The following SPAG9 variants were observed in gnomAD, a reference collection of about 807,000 sequenced individuals.
SPAG9 encodes C-Jun-amino-terminal kinase-interacting protein 4.
Under a neutral mutation model 166.5 loss-of-function variants are expected in SPAG9, and 35 were observed. That is an observed-to-expected ratio of 0.21 (90% CI 0.16 to 0.28). SPAG9 has a LOEUF of 0.28. Among genes scored for constraint, SPAG9 ranks in the 10% least tolerant of loss-of-function variants. SPAG9 has a pLI of 1.00. For synonymous variants in SPAG9, 534 were observed against 565.5 expected (o/e 0.94, Z 0.79); for missense variants, 1,235 against 1,603.3 (o/e 0.77, Z 3.92).
In SPAG9 at chr17:50,990,542, A is replaced by T. The variant is rs765849538; in HGVS notation, c.2525T>A (p.Ile842Asn). Reference protein sequence around the residue: ...SAETDSLLGGITVVGCSAEGV... With the variant: ...SAETDSLLGGNTVVGCSAEGV... ...TTCTGCAGAACAACCAACCACTGTG[A>T]TGCCTCCTAACAGGCTGTCTGTCTC... Residue 842 changes from isoleucine to asparagine, a missense_variant, in exon 20 of 30, where the codon ATC (isoleucine) becomes AAC (asparagine). Ile to Asn is a moderately radical substitution (Grantham distance 149, BLOSUM62 -3). Coordinates refer to ENST00000262013, the MANE Select transcript of SPAG9 (RefSeq NM_001130528.3). 1.1e-5 allele frequency: 17 copies of T among 1,614,212 alleles called. No individual in the cohort carries two copies. Among genetic ancestry groups the T allele is most frequent in the Non-Finnish European group, 1.4e-5 (17 of 1,180,024 alleles).
intron 3 of SPAG9, among the ~76,000 whole-genome samples, chr17:51,051,033 T>TAAAA (rs566199371): frequency 9.1e-6 from 1 of 110,254 alleles, no homozygotes; most frequent in Non-Finnish European, 2.1e-5. Context: ...AATTTAAAAA[T>TAAAA]AAAAAAAAAA....
At chr17:50,992,561 C>T (rs1311781179) in intron 19 of SPAG9, among the ~76,000 whole-genome samples, 2 of 152,102 alleles carry the variant, frequency 1.3e-5, no homozygotes, top group Non-Finnish European at 2.9e-5. Context: ...GTCCCAGCTA[C>T]TTGGGAGGCT....
intron 1 of SPAG9, among the ~76,000 whole-genome samples, chr17:51,087,435 G>A (rs1419724030): frequency 1.3e-5 from 2 of 152,198 alleles, no homozygotes; most frequent in Admixed American, 6.5e-5. Context: ...GTTTGGATTC[G>A]TGGTCCTAGT....
chr17:51,099,759 TAAAAAAA>T (rs58721041), intron 1 of SPAG9, among the ~76,000 whole-genome samples: 6 of 43,654 alleles, frequency 1.4e-4, no homozygotes, highest in East Asian at 8.8e-4. Context: ...CTTCTATTAC[TAAAAAAA>T]AAAAAAAAAA....
At chr17:50,978,502 G>A (rs1428080462) in intron 26 of SPAG9, among the ~76,000 whole-genome samples, 1 of 152,138 alleles carries the variant, frequency 6.6e-6, no homozygotes, top group Non-Finnish European at 1.5e-5. Flanking sequence ...GATAGAGCAG[G>A]GAACAAGACA....
chr17:50,991,940 TTTTTTTTTTTTTA>T (rs1386861472), intron 19 of SPAG9, among the ~76,000 whole-genome samples: 2 of 137,296 alleles, frequency 1.5e-5, no homozygotes, highest in African/African-American at 3.0e-5. Context: ...TTTTTTTTTT[TTTTTTTTTTTTTA>T]AAACACAGGG....
chr17:51,072,510 C>T (rs2047851088), intron 2 of SPAG9, among the ~76,000 whole-genome samples: 1 of 151,284 alleles, frequency 6.6e-6, no homozygotes, highest in Non-Finnish European at 1.5e-5. Context: ...GGGTGAAACT[C>T]CATCTCTACT....
Position 50,993,792 on chromosome 17 carries a change from A to G in SPAG9, c.2370T>C (p.Ser790=), listed in dbSNP as rs1975821700. The G allele has an allele frequency of 6.2e-7, 1 of 1,614,174 alleles. No individual in the cohort carries two copies. The highest frequency in any genetic ancestry group is 2.2e-5 in the East Asian group (1 of 44,888). ...NILDSFTVCN[S]HVLCIASVPG... Reference sequence around the variant, plus strand: ...GCACACTTGCAATGCACAGAACATGAGAGTTGCAAACAGTGAAACTGTCTA... The same window carrying G: ...GCACACTTGCAATGCACAGAACATGGGAGTTGCAAACAGTGAAACTGTCTA... The change falls in exon 19 of 30, where the codon TCT becomes TCC. Residue 790 remains serine, a synonymous_variant. Transcript: ENST00000262013.
intron 1 of SPAG9, among the ~76,000 whole-genome samples, chr17:51,119,146 A>G (rs2049395494): frequency 6.6e-6 from 1 of 152,186 alleles, no homozygotes; most frequent in Non-Finnish European, 1.5e-5. Flanking sequence ...AAGCTTTTAA[A>G]AAAGGAAAAA....
At chr17:51,010,844 A>G (rs1189067212) in intron 9 of SPAG9, among the ~76,000 whole-genome samples, 2 of 152,150 alleles carry the variant, frequency 1.3e-5, no homozygotes, top group Non-Finnish European at 2.9e-5. Flanking sequence ...AGGAAATAAT[A>G]GTCTTGGGCT....
chr17:50,991,512 A>AAT (rs1053826659), intron 19 of SPAG9, among the ~76,000 whole-genome samples: 2 of 152,054 alleles, frequency 1.3e-5, no homozygotes, highest in African/African-American at 4.8e-5. Flanking sequence ...CAGTAAAAAT[A>AAT]ATATATATAT....
chr17:51,097,086 C>T (rs574731320), intron 1 of SPAG9, among the ~76,000 whole-genome samples: 1 of 152,220 alleles, frequency 6.6e-6, no homozygotes, highest in South Asian at 2.1e-4. Context: ...TGGTTTCATA[C>T]CTACGTAGTG....
At chr17:50,986,270 T>G (rs149419657) in intron 22 of SPAG9, among the ~76,000 whole-genome samples, 14 of 152,250 alleles carry the variant, frequency 9.2e-5, no homozygotes, top group African/African-American at 2.6e-4. Flanking sequence ...ACAGGGGAGA[T>G]TTATATGAAA....
intron 1 of SPAG9, among the ~76,000 whole-genome samples, chr17:51,095,348 G>A (rs1452278371): frequency 1.4e-5 from 2 of 141,154 alleles, no homozygotes; most frequent in South Asian, 2.3e-4. Context: ...GGTGGCTCAC[G>A]CCTGTAATCC....
chr17:51,013,534 C>T (rs938265508), intron 9 of SPAG9, among the ~76,000 whole-genome samples: 13 of 152,172 alleles, frequency 8.5e-5, no homozygotes, highest in African/African-American at 2.4e-5. Flanking sequence ...TATTTACACA[C>T]GCACACAAGG....
chr17:51,039,930 G>C (rs993684367), intron 5 of SPAG9, among the ~76,000 whole-genome samples: 15 of 152,036 alleles, frequency 9.9e-5, no homozygotes, highest in African/African-American at 3.6e-4. Flanking sequence ...TTGTGGTACA[G>C]AAGTAAAGAA....
Position 51,120,064 on chromosome 17 carries a change from CG to C in SPAG9, c.303+289del, listed in dbSNP as rs1237413999. Reference sequence around the variant, plus strand: ...AAGCAACCAGACACCCAACAATCTCCGCCCTTGGCCAACCCCAGGTGTCCTC... The same window carrying C: ...AAGCAACCAGACACCCAACAATCTCCCCCTTGGCCAACCCCAGGTGTCCTC... On this transcript the variant is annotated intron_variant, in intron 1 of 29. Transcript: ENST00000262013. This position sits in a 1 kb window ranked among gnomAD's most constrained non-coding sequence, Gnocchi z 4.7. Among the ~76,000 whole-genome samples the C allele has an allele frequency of 2.0e-5, 3 of 152,226 alleles. No homozygotes were observed. The highest frequency in any genetic ancestry group is 2.9e-5 in the Non-Finnish European group (2 of 68,034).
At chr17:51,023,787 C>T (rs2144211080) in intron 6 of SPAG9, among the ~76,000 whole-genome samples, 1 of 152,196 alleles carries the variant, frequency 6.6e-6, no homozygotes, top group South Asian at 2.1e-4. Flanking sequence ...GCCTCAGTCC[C>T]CTGAGCACCT....
intron 1 of SPAG9, among the ~76,000 whole-genome samples, chr17:51,107,111 A>G (rs553059679): frequency 3.9e-5 from 6 of 152,114 alleles, no homozygotes; most frequent in East Asian, 3.9e-4. Context: ...AAAAAAAAAA[A>G]AAAAAGAAAA....
Sources: gnomAD v4.1 joint callset for allele counts (sites outside exome capture counted in the v4.1 genomes callset) on GRCh38, gnomAD v4.1.1 for gene constraint, Gnocchi (gnomAD v3.1) non-coding constraint, MANE v1.5 for transcripts, NCBI Gene and HGNC (gene_info 2026-07-23, HGNC 2026-07-21) for gene names.